The following CARMIL2 variants were observed in gnomAD, a reference collection of about 807,000 sequenced individuals.
CARMIL2 encodes the protein capping protein regulator and myosin 1 linker 2.
A neutral mutation model predicts 173.3 loss-of-function variants in CARMIL2; 96 were observed. The ratio of observed to expected loss-of-function variants is 0.55; its 90% CI spans 0.47 to 0.66. The LOEUF (loss-of-function observed/expected upper bound fraction) is 0.66, where lower values mean the gene tolerates loss of function less well. Ranked by LOEUF, CARMIL2 falls within the 30% of genes least tolerant of loss-of-function variation. The probability of loss-of-function intolerance (pLI) is 0.00; values close to 1 mark genes in which losing one functional copy is unlikely to be tolerated. For synonymous variants in CARMIL2, 830 were observed against 817.1 expected, an observed-to-expected ratio of 1.02 and a Z score of -0.27; for missense variants, 1,771 against 1,906.7, an observed-to-expected ratio of 0.93 and a Z score of 1.33.
Position 67,647,184 on chromosome 16 carries a change from T to C in CARMIL2, c.680T>C (p.Met227Thr), listed in dbSNP as rs1482900576. 6.2e-7 allele frequency: 1 copy of C among 1,613,726 alleles called. No homozygotes were observed. Residue 227 changes from methionine to threonine, a missense_variant, in exon 9 of 38, where the codon ATG (methionine) becomes ACG (threonine). By Grantham distance (81) the Met-to-Thr change is moderately conservative. Around this residue, in one of 3 missense-constraint regions of CARMIL2, gnomAD observed 944 missense variants for 975.6 expected, o/e 0.97. Transcript: ENST00000334583. The part of the protein sequence containing the change: ...LWFRCLSCVD[M>T]KLSLEVSEQI... ...TTCCGGTGCCTCTCCTGTGTGGACA[T>C]GAAGCTGGTGAGGGGGTTCGGGGTA...
chr16:67,648,369 C>T lies in CARMIL2; in HGVS notation c.1335-29C>T, dbSNP rs1188076043. 2 of 1,540,316 alleles carry T rather than the reference C, an allele frequency of 1.3e-6. No homozygotes were observed. Among genetic ancestry groups the T allele is most frequent in the East Asian group, 2.4e-5 (1 of 42,110 alleles). ...GCTGCTGGAAGCCGCCTCCTTGCGG[C>T]CCCAGGCCCACCTTCCCACTTCCCC... On this transcript the variant is annotated intron_variant, in intron 14 of 37. Coordinates refer to ENST00000334583, the MANE Select transcript of CARMIL2 (RefSeq NM_001013838.3). This position sits in a 1 kb window ranked among gnomAD's most constrained non-coding sequence, Gnocchi z 6.1.
In CARMIL2 at chr16:67,653,450, G is replaced by GTGC. The variant is rs1205640203; in HGVS notation, c.3120+197_3120+199dup. On this transcript the variant is annotated intron_variant, in intron 29 of 37. Transcript: ENST00000334583. The surrounding 1 kb of genome is among the most constrained non-coding windows in gnomAD (Gnocchi z 7.4). ...GCCATGCCTGTGCGGGACCATGGGT[G>GTGC]TGCGGGTTCCGTTCGGGGTGTGCCT... Among the ~76,000 whole-genome samples the GTGC allele has an allele frequency of 1.3e-5, 2 of 152,044 alleles. No homozygotes were observed. The highest frequency in any genetic ancestry group is 3.9e-4 in the East Asian group (2 of 5,168).
chr16:67,656,135 A>T, intron 33 of CARMIL2, 68 bp downstream of exon 33: 1 of 1,607,050 alleles, frequency 6.2e-7, no homozygotes, highest in Admixed American at 1.7e-5. Flanking sequence ...CCCCCAAGGC[A>T]CTTGCTCTCC....
At position 67,652,965 on chromosome 16, in the gene CARMIL2, G is replaced by A; in HGVS notation, c.2885-54G>A. 2 of 1,007,186 alleles carry A rather than the reference G, an allele frequency of 2.0e-6. No individual in the cohort carries two copies. The highest frequency in any genetic ancestry group is 2.6e-6 in the Non-Finnish European group (2 of 769,096). The allele number at this position is 1,007,186 out of a possible 1,614,324, so 62.4% of individuals were successfully genotyped here. ...GGTCCCCCGCCGCCCTAGCGCCTCC[G>A]CCGCCACCTCCCCGGGCTCGGCGCT... On this transcript the variant is annotated intron_variant, in intron 28 of 37. Transcript: ENST00000334583. This position sits in a 1 kb window ranked among gnomAD's most constrained non-coding sequence, Gnocchi z 4.7.
rs2142923949 is a variant in CARMIL2, at chr16:67,649,220, C to T, written c.1689-34C>T. On this transcript the variant is annotated intron_variant, in intron 18 of 37. Transcript: ENST00000334583. This position sits in a 1 kb window ranked among gnomAD's most constrained non-coding sequence, Gnocchi z 6.7. ...GGCCTCCCAGACAACACCCCACCACCCCTGTCCCCCACAACTGCGGCCCCT... is the reference window on the plus strand; with the variant it reads ...GGCCTCCCAGACAACACCCCACCACTCCTGTCCCCCACAACTGCGGCCCCT... 1 of 1,613,224 alleles carries T rather than the reference C, an allele frequency of 6.2e-7. No homozygotes were observed. Among genetic ancestry groups the T allele is most frequent in the Non-Finnish European group, 8.5e-7 (1 of 1,179,568 alleles).
rs1223646652 is a variant in CARMIL2 at position 67,648,570 on chromosome 16, G to A, written c.1439+68G>A. On this transcript the variant is annotated intron_variant, in intron 15 of 37. Coordinates refer to ENST00000334583, the MANE Select transcript of CARMIL2 (RefSeq NM_001013838.3). The surrounding 1 kb of genome is among the most constrained non-coding windows in gnomAD (Gnocchi z 6.1). ...CCTGCCCTGGCCTTCGCCCCTCCCCGCTCCTGCTTCTGTCGCTCCCACAAC... is the reference window on the plus strand; with the variant it reads ...CCTGCCCTGGCCTTCGCCCCTCCCCACTCCTGCTTCTGTCGCTCCCACAAC... The A allele has an allele frequency of 1.0e-5, 12 of 1,170,166 alleles. No homozygotes were observed. The Admixed American group carries it at 2.1e-4, about 21-fold the overall frequency. The allele number at this position is 1,170,166 out of a possible 1,614,324, so 72.5% of individuals were successfully genotyped here. A position where few individuals can be genotyped will look rare whatever the true frequency, so the allele number is the denominator to read the frequency against.
In CARMIL2 at chr16:67,649,629, G is replaced by T; in HGVS notation, c.1919+10G>T. 1 of 1,583,050 alleles carries T rather than the reference G, an allele frequency of 6.3e-7. No individual in the cohort carries two copies. Among genetic ancestry groups the T allele is most frequent in the Non-Finnish European group, 8.6e-7 (1 of 1,169,230 alleles). ...TCAACTCGAGGCTCCGGTGGGCGGG[G>T]TCAGAGGGGTGGGACCAGCGGGCAG... On this transcript the variant is annotated intron_variant, in intron 20 of 37. Transcript: ENST00000334583. This position sits in a 1 kb window ranked among gnomAD's most constrained non-coding sequence, Gnocchi z 6.7.
chr16:67,654,736 C>T (rs372822059), intron 31 of CARMIL2, 42 bp from the exon 32 acceptor site: 7 of 1,607,938 alleles, frequency 4.4e-6, no homozygotes, highest in Non-Finnish European at 5.1e-6. Context: ...TTCTGGGACC[C>T]AGGGCGCGGA....
In CARMIL2 at chr16:67,648,862, C is replaced by T. The variant is rs1281521046; in HGVS notation, c.1510-31C>T. On this transcript the variant is annotated intron_variant, in intron 16 of 37. Transcript: ENST00000334583. The surrounding 1 kb of genome is among the most constrained non-coding windows in gnomAD (Gnocchi z 6.1). ...TCCCCACTCGCGGCCTAAGTGGGTC[C>T]CACTTCCCACCTCCCACCTCCCACA... is the stretch of plus-strand genomic sequence containing the variant. The T allele has an allele frequency of 6.3e-7, 1 of 1,589,056 alleles. No homozygotes were observed. Among genetic ancestry groups the T allele is most frequent in the Non-Finnish European group, 8.6e-7 (1 of 1,168,384 alleles).
chr16:67,646,886 T>G lies in CARMIL2; in HGVS notation c.538-14T>G. The G allele has an allele frequency of 6.2e-7, 1 of 1,613,770 alleles. No individual in the cohort carries two copies. The highest frequency in any genetic ancestry group is 2.2e-5 in the East Asian group (1 of 44,874). On this transcript the variant is annotated splice_polypyrimidine_tract_variant and intron_variant, in intron 7 of 37. Transcript: ENST00000334583. This position sits in a 1 kb window ranked among gnomAD's most constrained non-coding sequence, Gnocchi z 4.6. ...TGGCCCCAGGCGAACTGTAAGCATC[T>G]CCTTCTCACCCAGGACGTGGACACC... is the stretch of plus-strand genomic sequence containing the variant.
Position 67,648,103 on chromosome 16 carries a change from G to A in CARMIL2, c.1123G>A (p.Ala375Thr), listed in dbSNP as rs898513011. ...TAACGTACTGTCGTTCCTGAATCTC[G>A]CAGGCACCGACACTGCCCTGGACAC... ...RPNVLSFLNL[A>T]GTDTALDTVR... The change falls in exon 14 of 38, where the codon GCA becomes ACA. Residue 375 changes from alanine (A) to threonine (T), a missense_variant. By Grantham distance (58) the Ala-to-Thr change is moderately conservative (BLOSUM62 0). Transcript: ENST00000334583. This position sits in a 1 kb window ranked among gnomAD's most constrained non-coding sequence, Gnocchi z 6.1. The A allele has an allele frequency of 1.4e-5, 22 of 1,612,306 alleles. No homozygotes were observed. Among genetic ancestry groups the A allele is most frequent in the Middle Eastern group, 1.6e-4 (1 of 6,076 alleles).
chr16:67,649,692 G>A lies in CARMIL2; in HGVS notation c.1919+73G>A. 6.4e-7 allele frequency: 1 copy of A among 1,559,996 alleles called. No individual in the cohort carries two copies. Among genetic ancestry groups the A allele is most frequent in the Non-Finnish European group, 8.7e-7 (1 of 1,154,494 alleles). On this transcript the variant is annotated intron_variant, in intron 20 of 37. Coordinates refer to ENST00000334583, the MANE Select transcript of CARMIL2 (RefSeq NM_001013838.3). This position sits in a 1 kb window ranked among gnomAD's most constrained non-coding sequence, Gnocchi z 6.7. ...AGAGGAGGGCACCGGGCTAAGGGGA[G>A]GGACTGAATGAGGCGGAGCAAATGG... is the stretch of plus-strand genomic sequence containing the variant.
In CARMIL2 at chr16:67,648,386, C is replaced by T; in HGVS notation, c.1335-12C>T. 6.5e-7 allele frequency: 1 copy of T among 1,535,870 alleles called. No homozygotes were observed. The highest frequency in any genetic ancestry group is 8.7e-7 in the Non-Finnish European group (1 of 1,147,390). On this transcript the variant is annotated splice_polypyrimidine_tract_variant and intron_variant, in intron 14 of 37. Coordinates refer to ENST00000334583, the MANE Select transcript of CARMIL2 (RefSeq NM_001013838.3). This position sits in a 1 kb window ranked among gnomAD's most constrained non-coding sequence, Gnocchi z 6.1. ...CCTTGCGGCCCCAGGCCCACCTTCC[C>T]ACTTCCCCCAGGAAGTCCCGCGCCG... is the stretch of plus-strand genomic sequence containing the variant.
rs776303469 is a variant in CARMIL2, at chr16:67,647,700, C to T, written c.892C>T (p.His298Tyr). 3.1e-6 allele frequency: 5 copies of T among 1,599,940 alleles called. No homozygotes were observed. Among genetic ancestry groups the T allele is most frequent in the Non-Finnish European group, 4.3e-6 (5 of 1,174,520 alleles). ...CCAAGGCATGACTGCACTCAGCAGA[C>T]ACCTCGAGCGTTGTCCAGGAGCCCT... ...DDRGMTALSR[H>Y]LERCPGALRR... is the part of the protein sequence containing the mutation. The change falls in exon 12 of 38, where the codon CAC (histidine) becomes TAC (tyrosine). Residue 298 changes from histidine (H) to tyrosine (Y), a missense_variant. This residue lies in a region of CARMIL2 where 944 missense variants were observed against 975.6 expected (regional missense o/e 0.97). Coordinates refer to ENST00000334583, the MANE Select transcript of CARMIL2 (RefSeq NM_001013838.3).
chr16:67,655,824 C>A lies in CARMIL2; in HGVS notation c.3706-207C>A, dbSNP rs1482301025. 2.0e-5 allele frequency among the ~76,000 whole-genome samples: 3 copies of A among 152,112 alleles called. No individual in the cohort carries two copies. In the East Asian group the frequency reaches 5.8e-4, roughly 29 times the overall value. ...ATTCAATATCTTAAAAAACAAAAAA[C>A]AAAAACAAACAAAAAACATGAAGTC... On this transcript the variant is annotated intron_variant, in intron 32 of 37. Coordinates refer to ENST00000334583, the MANE Select transcript of CARMIL2 (RefSeq NM_001013838.3).
rs2052663246 is a variant in CARMIL2, at chr16:67,649,104, G to T, written c.1620G>T (p.Val540=). 1 of 1,613,094 alleles carries T rather than the reference G, an allele frequency of 6.2e-7. No homozygotes were observed. The highest frequency in any genetic ancestry group is 1.7e-5 in the Admixed American group (1 of 59,920). The part of the protein sequence containing the change: ...NGFGSDMVTL[V]LAIGRSRSLR... ...TCGGCTCAGACATGGTGACTCTGGTGCTGGCCATCGGGAGAAGCCGGTCCC... is the reference window on the plus strand; with the variant it reads ...TCGGCTCAGACATGGTGACTCTGGTTCTGGCCATCGGGAGAAGCCGGTCCC... Residue 540 remains valine (V), a synonymous_variant, in exon 18 of 38, where the codon GTG becomes GTT. Coordinates refer to ENST00000334583, the MANE Select transcript of CARMIL2 (RefSeq NM_001013838.3). This position sits in a 1 kb window ranked among gnomAD's most constrained non-coding sequence, Gnocchi z 6.7.
rs188030839 is a variant in CARMIL2, at chr16:67,652,026, A to C, written c.2676+18A>C. Reference sequence around the variant, plus strand: ...ATCAGCTGGTGAGGGGGAGATGTGCACACACTTTCGTGCAAACACACACAT... The same window carrying C: ...ATCAGCTGGTGAGGGGGAGATGTGCCCACACTTTCGTGCAAACACACACAT... On this transcript the variant is annotated intron_variant, in intron 26 of 37. Transcript: ENST00000334583. The surrounding 1 kb of genome is among the most constrained non-coding windows in gnomAD (Gnocchi z 4.7). The C allele has an allele frequency of 1.2e-6, 2 of 1,612,738 alleles. No individual in the cohort carries two copies. Among genetic ancestry groups the C allele is most frequent in the Non-Finnish European group, 8.5e-7 (1 of 1,179,364 alleles).
rs748719934 is a variant in CARMIL2, at chr16:67,654,594, G to A, written c.3484G>A (p.Gly1162Ser). 1.1e-5 allele frequency: 18 copies of A among 1,607,144 alleles called. No homozygotes were observed. Among genetic ancestry groups the A allele is most frequent in the South Asian group, 3.3e-5 (3 of 90,692 alleles). The change falls in exon 31 of 38, where the codon GGC becomes AGC. Residue 1162 changes from glycine to serine, a missense_variant. Physicochemically the swap from Gly to Ser is moderately conservative, Grantham distance 56. Transcript: ENST00000334583. The stretch of plus-strand genomic sequence containing the variant: ...GGACACCAGCAGCCCTGACCCTGCC[G>A]GCAGGAGCCGACCTCGCTACACAAG... Reference protein sequence around the residue: ...EGDTSSPDPAGRSRPRYTRDS... With the variant: ...EGDTSSPDPASRSRPRYTRDS...
chr16:67,649,846 C>A lies in CARMIL2; in HGVS notation c.1960C>A (p.Leu654Met). Residue 654 changes from leucine (L) to methionine (M), a missense_variant, in exon 21 of 38, where the codon CTG (leucine) becomes ATG (methionine). Transcript: ENST00000334583. The surrounding 1 kb of genome is among the most constrained non-coding windows in gnomAD (Gnocchi z 6.7). ...WDRNHTSALG[L>M]LDVAQALEQN... ...CCGGAACCACACATCTGCTTTGGGT[C>A]TGCTGGACGTGGCGCAGGCGCTGGA... 6.2e-7 allele frequency: 1 copy of A among 1,612,806 alleles called. No homozygotes were observed.
Sources: allele counts gnomAD v4.1 joint callset (sites outside exome capture counted in the v4.1 genomes callset), GRCh38; gene constraint gnomAD v4.1.1; regional missense constraint gnomAD v4.1.1; non-coding constraint Gnocchi (gnomAD v3.1); transcripts MANE v1.5; gene names NCBI Gene and HGNC (gene_info 2026-07-23, HGNC 2026-07-21).